Variants in ME2 observed in about 807,000 individuals in gnomAD.
The protein encoded by ME2 is NAD-dependent malic enzyme, mitochondrial.
A neutral mutation model predicts 73.7 loss-of-function variants in ME2; 60 were observed. The ratio of observed to expected loss-of-function variants is 0.81; its 90% CI spans 0.66 to 1.01. The LOEUF (loss-of-function observed/expected upper bound fraction) is 1.01. Ranked by LOEUF, ME2 falls within the 50% of genes least tolerant of loss-of-function variation. ME2 has a pLI of 0.00. For synonymous variants in ME2, 199 were observed against 236.9 expected (o/e 0.84, Z 1.47); for missense variants, 594 against 705.5 (o/e 0.84, Z 1.79).
intron 12 of ME2, among the ~76,000 whole-genome samples, chr18:50,931,908 C>T (rs1917699282): frequency 6.6e-6 from 1 of 152,226 alleles, no homozygotes; most frequent in African/African-American, 2.4e-5. Flanking sequence ...ATCTCAAACT[C>T]CTGGCCTCCA....
rs1408232816 is a variant in ME2, at chr18:50,952,699, T to C, written c.*5515T>C. The C allele has an allele frequency of 6.6e-6, 1 of 152,236 alleles. No homozygotes were observed. Among genetic ancestry groups the C allele is most frequent in the African/African-American group, 2.4e-5 (1 of 41,462 alleles). The allele number at this position is 152,236 out of a possible 1,614,324, so 9.4% of individuals were successfully genotyped here. On this transcript the variant is annotated 3_prime_UTR_variant, in exon 16 of 16. Transcript: ENST00000321341. The stretch of plus-strand genomic sequence containing the variant: ...TGGTTTTCAGGATTTTCTTTTATGT[T>C]CTAGAAAAGTAATTTTTCCTTTCCT...
chr18:50,899,815 A>T (rs1186390230), intron 2 of ME2, among the ~76,000 whole-genome samples: 2 of 152,214 alleles, frequency 1.3e-5, no homozygotes, highest in African/African-American at 4.8e-5. Flanking sequence ...TCCATTGAGG[A>T]CAATGACCAT....
At chr18:50,941,221 A>G (rs1219182465) in intron 15 of ME2, among the ~76,000 whole-genome samples, 1 of 141,146 alleles carries the variant, frequency 7.1e-6, no homozygotes, top group African/African-American at 2.7e-5. Flanking sequence ...AGATCGTGCC[A>G]TTGCACTCCA....
At chr18:50,928,240 CCTTTTTTTTTT>C (rs1171378032) in intron 12 of ME2, among the ~76,000 whole-genome samples, 1 of 150,324 alleles carries the variant, frequency 6.7e-6, no homozygotes, top group Non-Finnish European at 1.5e-5. Context: ...GCTAATTTGT[CCTTTTTTTTTT>C]CTTTTTTTTT....
In ME2 at chr18:50,906,432, C is replaced by T. The variant is rs141056314; in HGVS notation, c.109-1631C>T. On this transcript the variant is annotated intron_variant, in intron 2 of 15. Coordinates refer to ENST00000321341, the MANE Select transcript of ME2 (RefSeq NM_002396.5). ...GGTTCAAGTGATTCTCCTGTCTCAG[C>T]CCCCCGAGTAGCTGGGACCACAGGC... Among the ~76,000 whole-genome samples, 1,097 of 152,226 alleles carry T rather than the reference C, an allele frequency of 7.2e-3. 42 individuals carry two copies. The East Asian group carries it at 0.089, about 12-fold the overall frequency.
chr18:50,891,537 G>A (rs1916604865), intron 1 of ME2, among the ~76,000 whole-genome samples: 1 of 152,112 alleles, frequency 6.6e-6, no homozygotes, highest in Non-Finnish European at 1.5e-5. Flanking sequence ...AAGCCAATAA[G>A]CCTTTTTCAT....
intron 2 of ME2, among the ~76,000 whole-genome samples, chr18:50,907,656 T>C (rs564711343): frequency 2.0e-5 from 3 of 152,362 alleles, no homozygotes; most frequent in South Asian, 2.1e-4. Flanking sequence ...AACTCTTTCG[T>C]AGTTAATGGG....
At position 50,908,186 on chromosome 18, in the gene ME2, C is replaced by G; in HGVS notation, c.232C>G (p.Pro78Ala). 1 of 1,585,874 alleles carries G rather than the reference C, an allele frequency of 6.3e-7. No individual in the cohort carries two copies. The highest frequency in any genetic ancestry group is 1.2e-5 in the South Asian group (1 of 85,036). ...TAGAAACTTGAAGAAAATGACTAGCCCTTTGGAAAAGTAAGAGTTGCTTAG... is the reference window on the plus strand; with the variant it reads ...TAGAAACTTGAAGAAAATGACTAGCGCTTTGGAAAAGTAAGAGTTGCTTAG... ...FHRNLKKMTS[P>A]LEKYIYIMGI... The change falls in exon 3 of 16, where the codon CCT becomes GCT. Residue 78 changes from proline (P) to alanine (A), a missense_variant. Pro to Ala is a conservative substitution (Grantham distance 27). Transcript: ENST00000321341.
At chr18:50,899,233 C>A (rs1254049190) in intron 2 of ME2, among the ~76,000 whole-genome samples, 1 of 152,182 alleles carries the variant, frequency 6.6e-6, no homozygotes, top group Non-Finnish European at 1.5e-5. Flanking sequence ...CCATTCCCTA[C>A]CCCCTGAAAT....
chr18:50,949,367 G>A lies in ME2; in HGVS notation c.*2183G>A, dbSNP rs145574182. ...TATGGGGTTTTGCTATGTCACCCTT[G>A]CTGGAGGGCGGTGGCTGTTCACAGG... On this transcript the variant is annotated 3_prime_UTR_variant, in exon 16 of 16. Transcript: ENST00000321341. The A allele has an allele frequency of 6.1e-3, 936 of 152,284 alleles. 6 individuals are homozygous for A. The highest frequency in any genetic ancestry group is 0.011 in the Non-Finnish European group (739 of 68,064). 9.4% of individuals were successfully genotyped at this position (152,284 alleles called of 1,614,324 possible).
At chr18:50,926,164 A>C (rs1326013798) in intron 12 of ME2, among the ~76,000 whole-genome samples, 1 of 152,108 alleles carries the variant, frequency 6.6e-6, no homozygotes, top group African/African-American at 2.4e-5. Flanking sequence ...CATTATTGTT[A>C]TATTTTACAA....
At chr18:50,887,552 G>C (rs1916501573) in intron 1 of ME2, among the ~76,000 whole-genome samples, 2 of 152,198 alleles carry the variant, frequency 1.3e-5, no homozygotes, top group African/African-American at 4.8e-5. Flanking sequence ...TCCTCACTGA[G>C]GTTGAGACGA....
At chr18:50,908,448 C>G (rs1422074766) in intron 3 of ME2, among the ~76,000 whole-genome samples, 1 of 152,096 alleles carries the variant, frequency 6.6e-6, no homozygotes, top group Non-Finnish European at 1.5e-5. Flanking sequence ...ATATTAGAAG[C>G]AAAGGATACC....
At chr18:50,917,538 TC>T (rs749845696) in intron 6 of ME2, 30 bp downstream of exon 6, 1 of 1,473,504 alleles carries the variant, frequency 6.8e-7, no homozygotes, top group East Asian at 2.3e-5. Context: ...CCCTTTATCT[TC>T]CTCCTGTATT....
rs1918104417 is a variant in ME2 at position 50,947,158 on chromosome 18, T to G, written c.1729T>G (p.Ser577Ala). ...PDVYEWPESA[S>A]SPPVITE is the part of the protein sequence containing the mutation. ...TGTGTATGAATGGCCAGAATCTGCATCAAGCCCTCCTGTGATAACAGAATA... is the reference window on the plus strand; with the variant it reads ...TGTGTATGAATGGCCAGAATCTGCAGCAAGCCCTCCTGTGATAACAGAATA... Residue 577 changes from serine to alanine, a missense_variant, in exon 16 of 16, where the codon TCA becomes GCA. Transcript: ENST00000321341. 6.2e-7 allele frequency: 1 copy of G among 1,613,336 alleles called. No individual in the cohort carries two copies. The highest frequency in any genetic ancestry group is 8.5e-7 in the Non-Finnish European group (1 of 1,180,020).
At position 50,947,038 on chromosome 18, in the gene ME2, A is replaced by G. The variant is rs377174610; in HGVS notation, c.1609A>G (p.Asn537Asp). 3 of 1,613,178 alleles carry G rather than the reference A, an allele frequency of 1.9e-6. No individual in the cohort carries two copies. The highest frequency in any genetic ancestry group is 2.5e-6 in the Non-Finnish European group (3 of 1,179,244). The change falls in exon 16 of 16, where the codon AAT becomes GAT. Residue 537 changes from asparagine to aspartate, a missense_variant. Transcript: ENST00000321341. ...AIKVTEYLYANKMAFRYPEPE... is the reference protein window; with the variant it reads ...AIKVTEYLYADKMAFRYPEPE... Reference sequence around the variant, plus strand: ...TCAGGTTACAGAATACCTATATGCTAATAAAATGGCTTTCCGATACCCAGA... The same window carrying G: ...TCAGGTTACAGAATACCTATATGCTGATAAAATGGCTTTCCGATACCCAGA...
At chr18:50,944,726 C>G (rs1035408649) in intron 15 of ME2, among the ~76,000 whole-genome samples, 1 of 152,306 alleles carries the variant, frequency 6.6e-6, no homozygotes, top group East Asian at 1.9e-4. Context: ...AAAATTTTAG[C>G]TGACTTCTTA....
Position 50,932,307 on chromosome 18 carries a change from C to G in ME2, c.1364C>G (p.Thr455Arg), listed in dbSNP as rs1917712329. 1 of 1,613,088 alleles carries G rather than the reference C, an allele frequency of 6.2e-7. No homozygotes were observed. The highest frequency in any genetic ancestry group is 8.5e-7 in the Non-Finnish European group (1 of 1,179,424). The stretch of plus-strand genomic sequence containing the variant: ...AGTCCATTTGGGCCAGTGAAACTTA[C>G]AGATGGGCGAGTCTTTACACCAGGT... ...SGSPFGPVKL[T>R]DGRVFTPGQG... Residue 455 changes from threonine (T) to arginine (R), a missense_variant, in exon 13 of 16, where the codon ACA (threonine) becomes AGA (arginine). Coordinates refer to ENST00000321341, the MANE Select transcript of ME2 (RefSeq NM_002396.5).
intron 7 of ME2, among the ~76,000 whole-genome samples, chr18:50,918,469 A>G (rs1917339831): frequency 6.6e-6 from 1 of 152,170 alleles, no homozygotes; most frequent in Non-Finnish European, 1.5e-5. Flanking sequence ...GCTTCCATCA[A>G]ACGCTTACTG....
Sources: allele counts gnomAD v4.1 joint callset (sites outside exome capture counted in the v4.1 genomes callset), GRCh38; gene constraint gnomAD v4.1.1; transcripts MANE v1.5; gene names NCBI Gene and HGNC (gene_info 2026-07-23, HGNC 2026-07-21).